The following NXN variants were observed in gnomAD, a reference collection of about 807,000 sequenced individuals.
The protein encoded by NXN is nucleoredoxin 1.
A neutral mutation model predicts 48.6 loss-of-function variants in NXN; 16 were observed. The observed-to-expected ratio is 0.33, with a 90% CI of 0.22 to 0.50. NXN has a LOEUF of 0.50. NXN is among the 20% of genes least tolerant of loss of function. The pLI, the probability that NXN is intolerant of heterozygous loss-of-function variation, is 0.98. For missense variants in NXN, 492 were observed against 605.5 expected (o/e 0.81, Z 1.97); for synonymous variants, 281 against 269.6 (o/e 1.04, Z -0.41).
intron 1 of NXN, among the ~76,000 whole-genome samples, chr17:926,305 G>A (rs1044252845): frequency 2.0e-5 from 3 of 152,048 alleles, no homozygotes; most frequent in Non-Finnish European, 2.9e-5. Flanking sequence ...TCCCACTCCA[G>A]CCCTCCAAGT....
intron 5 of NXN, among the ~76,000 whole-genome samples, chr17:811,943 TTTGA>T: frequency 7.4e-6 from 1 of 134,938 alleles, no homozygotes; most frequent in East Asian, 2.0e-4. Flanking sequence ...TTTTTTTTTT[TTTGA>T]GACGGAGTCT....
chr17:905,605 T>C (rs112161322), intron 1 of NXN, among the ~76,000 whole-genome samples: 1,897 of 151,974 alleles, frequency 0.012, 45 homozygotes, highest in African/African-American at 0.044. Flanking sequence ...CCACAGAAAA[T>C]AGTTCTAGGC....
At chr17:818,375 A>T (rs1912604240) in intron 5 of NXN, among the ~76,000 whole-genome samples, 1 of 152,024 alleles carries the variant, frequency 6.6e-6, no homozygotes, top group Non-Finnish European at 1.5e-5. Context: ...CTCAGCCCTC[A>T]CTATCACGCC....
intron 1 of NXN, among the ~76,000 whole-genome samples, chr17:841,394 G>A (rs867422130): frequency 9.2e-5 from 8 of 87,262 alleles, no homozygotes; most frequent in Non-Finnish European, 1.6e-4. Context: ...ATCTCACGCC[G>A]GCGAGCAGGT....
chr17:850,961 G>C (rs2067917295), intron 1 of NXN, among the ~76,000 whole-genome samples: 1 of 152,204 alleles, frequency 6.6e-6, no homozygotes, highest in African/African-American at 2.4e-5. Flanking sequence ...AAACGTCCCA[G>C]TGAATCAGAC....
intron 1 of NXN, among the ~76,000 whole-genome samples, chr17:931,866 G>A (rs1001655438): frequency 4.7e-5 from 7 of 147,800 alleles, no homozygotes; most frequent in East Asian, 2.0e-4. Context: ...ATTTTTGGCC[G>A]GGCGCAGTGG....
intron 4 of NXN, 134 bp from the exon 5 acceptor site, chr17:819,679 A>G (rs1041299823): frequency 3.1e-6 from 2 of 636,932 alleles, no homozygotes; most frequent in Non-Finnish European, 5.5e-6. Context: ...TCCTTAGGCA[A>G]CAGGCTATGG....
Position 820,995 on chromosome 17 carries a change from G to A in NXN, c.713+1362C>T, listed in dbSNP as rs1252521797. ...ACGGCTTCACGCTGAGACGGGAGCT[G>A]TGGCATGGCAGAGACGGGAGCTGTG... On this transcript the variant is annotated intron_variant, in intron 4 of 7. Coordinates refer to ENST00000336868, the MANE Select transcript of NXN (RefSeq NM_022463.5). 4.1e-5 allele frequency among the ~76,000 whole-genome samples: 3 copies of A among 73,654 alleles called. 1 individual carries two copies. Among genetic ancestry groups the A allele is most frequent in the Non-Finnish European group, 7.5e-5 (3 of 40,256 alleles). The allele number at this position is 73,654 out of a possible 152,430, so 48.3% of individuals were successfully genotyped here. A position where few individuals can be genotyped will look rare whatever the true frequency, so the allele number is the denominator to read the frequency against.
chr17:820,611 C>CAA (rs750581539), intron 4 of NXN, among the ~76,000 whole-genome samples: 12 of 14,684 alleles, frequency 8.2e-4, no homozygotes, highest in African/African-American at 1.5e-3. Context: ...GACTCTGTCT[C>CAA]AAAAAAAAAA....
At chr17:977,860 C>A (rs1349628032) in intron 1 of NXN, among the ~76,000 whole-genome samples, 1 of 152,332 alleles carries the variant, frequency 6.6e-6, no homozygotes, top group African/African-American at 2.4e-5. Flanking sequence ...CTATATCAAG[C>A]ATGTCAATCA....
chr17:892,346 G>A (rs766942746), intron 1 of NXN, among the ~76,000 whole-genome samples: 6 of 152,354 alleles, frequency 3.9e-5, no homozygotes, highest in Non-Finnish European at 8.8e-5. Flanking sequence ...CTCATGTTCT[G>A]AATTTAAGAC....
chr17:845,785 C>A (rs538362942), intron 1 of NXN, among the ~76,000 whole-genome samples: 1 of 152,226 alleles, frequency 6.6e-6, no homozygotes, highest in Non-Finnish European at 1.5e-5. Context: ...CAGGCAAATA[C>A]GCCGGGTGTG....
chr17:935,150 C>T (rs965874662), intron 1 of NXN, among the ~76,000 whole-genome samples: 2 of 151,940 alleles, frequency 1.3e-5, no homozygotes, highest in East Asian at 1.9e-4. Flanking sequence ...TGCACTACCA[C>T]GCCCAGATAA....
At position 958,441 on chromosome 17, in the gene NXN, G is replaced by A. The variant is rs189299149; in HGVS notation, c.360+20878C>T. 7.9e-5 allele frequency among the ~76,000 whole-genome samples: 12 copies of A among 152,282 alleles called. No individual in the cohort carries two copies. The highest frequency in any genetic ancestry group is 1.3e-4 in the Admixed American group (2 of 15,292). On this transcript the variant is annotated intron_variant, in intron 1 of 7. Coordinates refer to ENST00000336868, the MANE Select transcript of NXN (RefSeq NM_022463.5). The surrounding 1 kb of genome is among the most constrained non-coding windows in gnomAD (Gnocchi z 6.9). ...ACAGGAGGATCGCTTGAGGCCAGGC[G>A]TTCAAAACCAGCCCGGGCAACATAG... is the stretch of plus-strand genomic sequence containing the variant.
chr17:841,583 C>CACGG lies in NXN; in HGVS notation c.361-15506_361-15505insCCGT, dbSNP rs1567827976. Among the ~76,000 whole-genome samples, 24 of 73,962 alleles carry CACGG rather than the reference C, an allele frequency of 3.2e-4. 3 individuals are homozygous for CACGG. Among genetic ancestry groups the CACGG allele is most frequent in the East Asian group, 1.0e-3 (3 of 2,878 alleles). 48.5% of individuals were successfully genotyped at this position (73,962 alleles called of 152,430 possible). ...TCCCCCCTGACCACGGAGCATCTCA[C>CACGG]GCCGGCGAGCAGGTCCCCCCGACCA... On this transcript the variant is annotated intron_variant, in intron 1 of 7. Transcript: ENST00000336868.
At chr17:877,513 G>A (rs1384797020) in intron 1 of NXN, among the ~76,000 whole-genome samples, 1 of 152,166 alleles carries the variant, frequency 6.6e-6, no homozygotes, top group Non-Finnish European at 1.5e-5. Context: ...GTGAAGCCCT[G>A]TGCTAAAGGC....
intron 1 of NXN, among the ~76,000 whole-genome samples, chr17:879,705 G>T (rs545779547): frequency 6.6e-6 from 1 of 152,204 alleles, no homozygotes; most frequent in African/African-American, 2.4e-5. Flanking sequence ...ACCCGCTGGG[G>T]TTTGGCGGGC....
chr17:841,440 A>G lies in NXN; in HGVS notation c.361-15362T>C, dbSNP rs1198722647. On this transcript the variant is annotated intron_variant, in intron 1 of 7. Transcript: ENST00000336868. ...CACGGCGCATCTCACACGGGCGAGCAGGTCCCCCTGACCACGGCGCATCTC... is the reference window on the plus strand; with the variant it reads ...CACGGCGCATCTCACACGGGCGAGCGGGTCCCCCTGACCACGGCGCATCTC... Among the ~76,000 whole-genome samples, 110 of 125,060 alleles carry G rather than the reference A, an allele frequency of 8.8e-4. 1 individual carries two copies. Among genetic ancestry groups the G allele is most frequent in the African/African-American group, 2.9e-3 (106 of 36,948 alleles). The allele number at this position is 125,060 out of a possible 152,430, so 82.0% of individuals were successfully genotyped here.
intron 1 of NXN, among the ~76,000 whole-genome samples, chr17:959,779 A>G (rs1212969866): frequency 1.6e-5 from 2 of 123,294 alleles, no homozygotes; most frequent in Non-Finnish European, 3.3e-5. Context: ...GGGGAACAAG[A>G]GCGAGACTCT....
Sources: allele counts gnomAD v4.1 joint callset (sites outside exome capture counted in the v4.1 genomes callset), GRCh38; gene constraint gnomAD v4.1.1; non-coding constraint Gnocchi (gnomAD v3.1); transcripts MANE v1.5; gene names NCBI Gene and HGNC (gene_info 2026-07-23, HGNC 2026-07-21).